The following AKAP13 variants were observed in gnomAD, a reference collection of about 807,000 sequenced individuals.
AKAP13 encodes A-kinase anchoring protein 13, also known as A-kinase anchor protein 13.
In AKAP13, 80 loss-of-function variants were observed where a neutral mutation model predicts 264.5. That is an observed-to-expected ratio of 0.30 (90% CI 0.25 to 0.36). The LOEUF (loss-of-function observed/expected upper bound fraction) is 0.36. Among genes scored for constraint, AKAP13 ranks in the 10% least tolerant of loss-of-function variants. The pLI is 1.00. For synonymous variants in AKAP13, 1,380 were observed against 1,250.2 expected, an observed-to-expected ratio of 1.10 and a Z score of -2.19; for missense variants, 3,712 against 3,435.2, an observed-to-expected ratio of 1.08 and a Z score of -2.01.
chr15:85,668,425 A>T (rs1164160488), intron 13 of AKAP13, among the ~76,000 whole-genome samples: 1 of 152,172 alleles, frequency 6.6e-6, no homozygotes, highest in East Asian at 1.9e-4. Flanking sequence ...TCTTTCAGGG[A>T]TGTTGTACCA....
chr15:85,600,426 A>C (rs926683691), intron 8 of AKAP13, among the ~76,000 whole-genome samples: 1 of 152,178 alleles, frequency 6.6e-6, no homozygotes, highest in Non-Finnish European at 1.5e-5. Flanking sequence ...CACAAATCTA[A>C]ATAAATTAAA....
At chr15:85,680,301 C>T (rs1384189189) in intron 14 of AKAP13, among the ~76,000 whole-genome samples, 1 of 151,984 alleles carries the variant, frequency 6.6e-6, no homozygotes, top group South Asian at 2.1e-4. Flanking sequence ...TTAAACTATC[C>T]TCTTGATTTT....
chr15:85,541,485 T>G (rs1454726742), intron 4 of AKAP13, among the ~76,000 whole-genome samples: 1 of 152,222 alleles, frequency 6.6e-6, no homozygotes, highest in Non-Finnish European at 1.5e-5. Flanking sequence ...AAAAGGTGCT[T>G]TTTAAACCAC....
chr15:85,450,475 T>A (rs1202251944), intron 1 of AKAP13, among the ~76,000 whole-genome samples: 1 of 152,156 alleles, frequency 6.6e-6, no homozygotes, highest in Non-Finnish European at 1.5e-5. Flanking sequence ...GAGATCTTTC[T>A]TTTTCGTGTG....
At chr15:85,463,732 G>A (rs2074613832) in intron 1 of AKAP13, among the ~76,000 whole-genome samples, 2 of 152,120 alleles carry the variant, frequency 1.3e-5, no homozygotes, top group Admixed American at 6.5e-5. Context: ...TACATCAAAG[G>A]CAGTGAGTTC....
chr15:85,451,480 T>TTTAAG (rs1377033763), intron 1 of AKAP13, among the ~76,000 whole-genome samples: 1 of 152,292 alleles, frequency 6.6e-6, no homozygotes, highest in East Asian at 1.9e-4. Context: ...GGTGTCTGTG[T>TTTAAG]TTAAGTGTGT....
chr15:85,499,564 A>G (rs1275629124), intron 2 of AKAP13, among the ~76,000 whole-genome samples: 1 of 152,214 alleles, frequency 6.6e-6, no homozygotes, highest in Non-Finnish European at 1.5e-5. Context: ...TTGGTACTTC[A>G]GGTAAACCAA....
At chr15:85,449,879 C>T (rs2074023162) in intron 1 of AKAP13, among the ~76,000 whole-genome samples, 1 of 151,988 alleles carries the variant, frequency 6.6e-6, no homozygotes, top group Non-Finnish European at 1.5e-5. Flanking sequence ...GAAGTTTTCT[C>T]TTTTTTTGTA....
intron 1 of AKAP13, among the ~76,000 whole-genome samples, chr15:85,399,502 CAA>C (rs71138392): frequency 0.38 from 28,624 of 75,182 alleles, 4,040 homozygotes; most frequent in Middle Eastern, 0.52. Flanking sequence ...GACTCCGTCT[CAA>C]AAAAAAAAAA....
In AKAP13 at chr15:85,521,513, C is replaced by A; in HGVS notation, c.119C>A (p.Thr40Asn). The A allele has an allele frequency of 6.2e-7, 1 of 1,614,166 alleles. No individual in the cohort carries two copies. Among genetic ancestry groups the A allele is most frequent in the South Asian group, 1.1e-5 (1 of 91,080 alleles). The stretch of plus-strand genomic sequence containing the variant: ...TTTTACTTGGTATTTTTGGGTTCCA[C>A]CCTCCGTCACTGTACAAGTACTCGG... The part of the protein sequence containing the change: ...VVFYLVFLGS[T>N]LRHCTSTRKV... The change falls in exon 3 of 37, where the codon ACC becomes AAC. Residue 40 changes from threonine to asparagine, a missense_variant. Physicochemically the swap from Thr to Asn is moderately conservative, Grantham distance 65 (BLOSUM62 0). Around this residue, in one of 3 missense-constraint regions of AKAP13, gnomAD observed 2,759 missense variants for 2,411.7 expected, o/e 1.14. Transcript: ENST00000394518.
intron 18 of AKAP13, among the ~76,000 whole-genome samples, chr15:85,709,972 G>A (rs1022494131): frequency 7.9e-5 from 12 of 152,164 alleles, no homozygotes; most frequent in Admixed American, 7.9e-4. Context: ...ACAGGTGTGA[G>A]TCACCGCACC....
chr15:85,531,137 A>G (rs2077229194), intron 3 of AKAP13, among the ~76,000 whole-genome samples: 2 of 152,228 alleles, frequency 1.3e-5, no homozygotes, highest in Admixed American at 6.5e-5. Flanking sequence ...CTGGGATTAC[A>G]GCATGAGTCA....
Position 85,457,430 on chromosome 15 carries a change from A to G in AKAP13, c.-11-28280A>G, listed in dbSNP as rs376738593. Among the ~76,000 whole-genome samples the G allele has an allele frequency of 1.4e-4, 21 of 152,294 alleles. No individual in the cohort carries two copies. The East Asian group carries it at 3.5e-3, about 25-fold the overall frequency. ...CCATGGAGATTTCTTAAGAAGAGAG[A>G]CACTTCCTACCTTTCTTTTGGGAAG... On this transcript the variant is annotated intron_variant, in intron 1 of 36. Transcript: ENST00000394518.
chr15:85,604,466 C>CTT (rs781662004), intron 8 of AKAP13, among the ~76,000 whole-genome samples: 8 of 140,158 alleles, frequency 5.7e-5, no homozygotes, highest in Admixed American at 1.4e-4. Context: ...GCTGCTGCTG[C>CTT]TTTTTTTTTT....
At position 85,743,611 on chromosome 15, in the gene AKAP13, A is replaced by C; in HGVS notation, c.8178A>C (p.Ser2726=). 1 of 1,614,182 alleles carries C rather than the reference A, an allele frequency of 6.2e-7. No homozygotes were observed. Among genetic ancestry groups the C allele is most frequent in the Non-Finnish European group, 8.5e-7 (1 of 1,180,020 alleles). Residue 2726 remains serine, a synonymous_variant, in exon 36 of 37, where the codon TCA becomes TCC. Coordinates refer to ENST00000394518, the MANE Select transcript of AKAP13 (RefSeq NM_007200.5). ...CAGGGTCATTGGACTCAGAACTTTC[A>C]GTGTCCCCAAAAAGGAACAGCATCT... is the stretch of plus-strand genomic sequence containing the variant. ...AKSGSLDSEL[S]VSPKRNSISR... is the part of the protein sequence containing the mutation.
chr15:85,612,650 C>T (rs151070480), intron 8 of AKAP13, among the ~76,000 whole-genome samples: 172 of 151,998 alleles, frequency 1.1e-3, no homozygotes, highest in Admixed American at 2.4e-3. Flanking sequence ...GGTGAAACAC[C>T]GTCTCTACTA....
intron 30 of AKAP13, among the ~76,000 whole-genome samples, chr15:85,732,154 T>C (rs2088096403): frequency 1.3e-5 from 2 of 152,022 alleles, no homozygotes; most frequent in Non-Finnish European, 2.9e-5. Context: ...GCTCAGAATG[T>C]TCCTTTTGTG....
intron 2 of AKAP13, among the ~76,000 whole-genome samples, chr15:85,507,267 C>T (rs1182619226): frequency 6.6e-6 from 1 of 151,652 alleles, no homozygotes; most frequent in African/African-American, 2.4e-5. Context: ...TAGTGGTTGG[C>T]AAGCTACAGC....
At chr15:85,396,901 CTTTTTTTTT>C (rs34499592) in intron 1 of AKAP13, among the ~76,000 whole-genome samples, 1 of 114,630 alleles carries the variant, frequency 8.7e-6, no homozygotes, top group Non-Finnish European at 1.8e-5. Context: ...GTATGTTAGA[CTTTTTTTTT>C]TTTTTTTTTT....
Sources: allele counts gnomAD v4.1 joint callset (sites outside exome capture counted in the v4.1 genomes callset), GRCh38; gene constraint gnomAD v4.1.1; regional missense constraint gnomAD v4.1.1; transcripts MANE v1.5; gene names NCBI Gene and HGNC (gene_info 2026-07-23, HGNC 2026-07-21).